MTAP: variants seen among roughly 807,000 people sequenced by gnomAD.
MTAP encodes the protein methylthioadenosine phosphorylase, also known as S-methyl-5'-thioadenosine phosphorylase.
Under a neutral mutation model 33.6 loss-of-function variants are expected in MTAP, and 33 were observed. That is an observed-to-expected ratio of 0.98 (90% CI 0.74 to 1.31). The LOEUF is 1.31. MTAP is among the 40% of genes most tolerant of loss of function. The pLI, the probability that MTAP is intolerant of heterozygous loss-of-function variation, is 0.00. For synonymous variants in MTAP, 148 were observed against 125.7 expected, an observed-to-expected ratio of 1.18 and a Z score of -1.19; for missense variants, 367 against 360.0, an observed-to-expected ratio of 1.02 and a Z score of -0.16.
At chr9:21,923,824 T>C (rs1258215094) in intron 1 of MTAP, among the ~76,000 whole-genome samples, 2 of 150,440 alleles carry the variant, frequency 1.3e-5, no homozygotes, top group South Asian at 2.1e-4. Context: ...AAAAAAGAGG[T>C]AATCATTTTG....
At chr9:21,850,558 G>T (rs1720136498) in intron 5 of MTAP, among the ~76,000 whole-genome samples, 1 of 152,216 alleles carries the variant, frequency 6.6e-6, no homozygotes, top group Non-Finnish European at 1.5e-5. Context: ...GGCAGATAAG[G>T]ATGCTGTTTG....
chr9:21,805,699 C>A (rs184873929), intron 1 of MTAP, among the ~76,000 whole-genome samples: 20 of 152,306 alleles, frequency 1.3e-4, no homozygotes, highest in African/African-American at 4.8e-4. Context: ...CTTATTCCCT[C>A]TACTAAGTGA....
chr9:21,913,117 A>G (rs1166114422), intron 1 of MTAP, among the ~76,000 whole-genome samples: 5 of 152,238 alleles, frequency 3.3e-5, no homozygotes, highest in African/African-American at 1.2e-4. Context: ...CCACTGCTCA[A>G]CGAAATAAAA....
rs183667755 is a variant in MTAP, at chr9:21,841,252, T to A, written c.450+3242T>A. ...TACCTTGGGCATCTTAGGGCAAGCT[T>A]AGAGCCCCCTACTCCTTCTGCAGCT... is the stretch of plus-strand genomic sequence containing the variant. On this transcript the variant is annotated intron_variant, in intron 5 of 7. Transcript: ENST00000644715. Among the ~76,000 whole-genome samples, 31 of 152,342 alleles carry A rather than the reference T, an allele frequency of 2.0e-4. No individual in the cohort carries two copies. The South Asian group carries it at 3.9e-3, about 19-fold the overall frequency.
At chr9:21,928,409 G>T (rs1191696321) in intron 1 of MTAP, among the ~76,000 whole-genome samples, 8 of 152,168 alleles carry the variant, frequency 5.3e-5, no homozygotes, top group Non-Finnish European at 8.8e-5. Context: ...ACTCTGGGGA[G>T]GACTGGTAGA....
intron 1 of MTAP, among the ~76,000 whole-genome samples, chr9:21,918,345 G>A (rs1384011821): frequency 2.5e-5 from 2 of 80,880 alleles, no homozygotes; most frequent in African/African-American, 5.3e-5. Context: ...ACGAGACTCC[G>A]TCTCAAAAAA....
intron 1 of MTAP, among the ~76,000 whole-genome samples, chr9:21,898,591 T>G (rs1818336896): frequency 6.6e-6 from 1 of 152,188 alleles, no homozygotes; most frequent in South Asian, 2.1e-4. Context: ...CAGGCCCTTT[T>G]CAAAAGAATA....
chr9:21,818,245 A>G (rs769358750), intron 4 of MTAP, 43 bp downstream of exon 4: 1 of 1,562,032 alleles, frequency 6.4e-7, no homozygotes, highest in South Asian at 1.1e-5. Context: ...GTAGCTGGTC[A>G]TTTTCAGCTC....
chr9:21,861,733 C>T (rs1825757139), intron 7 of MTAP: 2 of 536,226 alleles, frequency 3.7e-6, no homozygotes, highest in Admixed American at 3.3e-5. Context: ...CAGAACAATG[C>T]TCTGAGATAA....
chr9:21,820,174 T>C (rs1258721804), intron 4 of MTAP, among the ~76,000 whole-genome samples: 2 of 152,230 alleles, frequency 1.3e-5, no homozygotes, highest in African/African-American at 4.8e-5. Context: ...ATTTTGGCTT[T>C]TGTTGCCATT....
chr9:21,917,668 T>C (rs1818712485), intron 1 of MTAP, among the ~76,000 whole-genome samples: 1 of 152,186 alleles, frequency 6.6e-6, no homozygotes, highest in South Asian at 2.1e-4. Flanking sequence ...ACCACCACTA[T>C]AGAAAGTAAT....
intron 1 of MTAP, among the ~76,000 whole-genome samples, chr9:21,906,450 C>A (rs978335703): frequency 6.6e-6 from 1 of 151,476 alleles, no homozygotes; most frequent in South Asian, 2.1e-4. Context: ...CCAGAATGCA[C>A]GAGAGGAGAG....
At chr9:21,878,109 A>T (rs1826036721) in intron 1 of MTAP, among the ~76,000 whole-genome samples, 1 of 152,102 alleles carries the variant, frequency 6.6e-6, no homozygotes, top group Non-Finnish European at 1.5e-5. Context: ...CCAGGAAATT[A>T]TCCATTTCTT....
intron 1 of MTAP, among the ~76,000 whole-genome samples, chr9:21,896,914 G>T (rs568442033): frequency 6.6e-6 from 1 of 152,180 alleles, no homozygotes; most frequent in African/African-American, 2.4e-5. Context: ...CCAAAGCCTG[G>T]CAGAGACACA....
intron 4 of MTAP, among the ~76,000 whole-genome samples, chr9:21,825,859 T>C (rs73429360): frequency 0.061 from 9,343 of 152,186 alleles, 975 homozygotes; most frequent in African/African-American, 0.21. Context: ...TGATATCTTA[T>C]TGTGGTTTTT....
chr9:21,816,826 A>C (rs1824487169), intron 3 of MTAP, 54 bp downstream of exon 3: 2 of 1,479,730 alleles, frequency 1.4e-6, no homozygotes, highest in Non-Finnish European at 1.9e-6. Context: ...TTTAAATTTA[A>C]CTTAAATTCT....
At chr9:21,827,241 A>G (rs1313788821) in intron 4 of MTAP, among the ~76,000 whole-genome samples, 2 of 152,066 alleles carry the variant, frequency 1.3e-5, no homozygotes, top group East Asian at 1.9e-4. Flanking sequence ...TCCTTCCACA[A>G]TCCCCCATCC....
At chr9:21,825,766 G>T (rs1308730466) in intron 4 of MTAP, among the ~76,000 whole-genome samples, 1 of 152,182 alleles carries the variant, frequency 6.6e-6, no homozygotes, top group Non-Finnish European at 1.5e-5. Context: ...GCTTGAGCCT[G>T]GGAGGTCAAG....
chr9:21,903,257 C>T lies in MTAP; in HGVS notation c.148-27751C>T, dbSNP rs1818421010. 1.3e-5 allele frequency among the ~76,000 whole-genome samples: 2 copies of T among 152,194 alleles called. 1 individual carries two copies. The highest frequency in any genetic ancestry group is 4.1e-4 in the South Asian group (2 of 4,836). The stretch of plus-strand genomic sequence containing the variant: ...TCTGGGGGAGGCATACTTAGGCTTG[C>T]TGCAAAACGACGATCCATGGCTTTC... On this transcript the variant is annotated intron_variant, in intron 1 of 1. Transcript: ENST00000577563.
Sources: gnomAD v4.1 joint callset for allele counts (sites outside exome capture counted in the v4.1 genomes callset) on GRCh38, gnomAD v4.1.1 for gene constraint, MANE v1.5 for transcripts, NCBI Gene and HGNC (gene_info 2026-07-23, HGNC 2026-07-21) for gene names.